The following ITGA9 variants were observed in gnomAD, a reference collection of about 807,000 sequenced individuals.
The protein encoded by ITGA9 is integrin alpha-9.
A neutral mutation model predicts 127.8 loss-of-function variants in ITGA9; 56 were observed. The ratio of observed to expected loss-of-function variants is 0.44; its 90% CI spans 0.35 to 0.55. The LOEUF (loss-of-function observed/expected upper bound fraction) is 0.55, where lower values mean the gene tolerates loss of function less well. ITGA9 is among the 20% of genes least tolerant of loss of function. The probability of loss-of-function intolerance (pLI) is 0.00; values close to 1 mark genes in which losing one functional copy is unlikely to be tolerated. For synonymous variants in ITGA9, 508 were observed against 514.5 expected, an observed-to-expected ratio of 0.99 and a Z score of 0.17; for missense variants, 1,196 against 1,347.1, an observed-to-expected ratio of 0.89 and a Z score of 1.76.
At chr3:37,473,285 C>A in intron 2 of ITGA9, 69 bp from the exon 3 acceptor site, 2 of 1,209,218 alleles carry the variant, frequency 1.7e-6, no homozygotes, top group South Asian at 1.2e-5. Flanking sequence ...GGCTGTGGAC[C>A]ACCCTTTGAA....
intron 15 of ITGA9, among the ~76,000 whole-genome samples, chr3:37,564,741 G>C (rs1699528937): frequency 6.6e-6 from 1 of 152,170 alleles, no homozygotes; most frequent in African/African-American, 2.4e-5. Context: ...ATGATGCTGG[G>C]CTGAGCCCTG....
Position 37,559,962 on chromosome 3 carries a change from A to T in ITGA9, c.1689+17377A>T, listed in dbSNP as rs202189829. On this transcript the variant is annotated intron_variant, in intron 15 of 27. Coordinates refer to ENST00000264741, the MANE Select transcript of ITGA9 (RefSeq NM_002207.3). ...TGTAATTGTAAATTTCCTTTTTTTT[A>T]AAATTATGCTTTAACTTCTAGGGTA... 8.1e-4 allele frequency among the ~76,000 whole-genome samples: 123 copies of T among 152,098 alleles called. 1 individual carries two copies. In the East Asian group the frequency reaches 0.018, roughly 22 times the overall value.
chr3:37,642,991 A>T (rs1700346875), intron 16 of ITGA9, among the ~76,000 whole-genome samples: 1 of 152,196 alleles, frequency 6.6e-6, no homozygotes, highest in African/African-American at 2.4e-5. Context: ...TCATTATTAT[A>T]TTTAAACGTC....
At chr3:37,719,717 G>A (rs1006719698) in intron 18 of ITGA9, among the ~76,000 whole-genome samples, 2 of 152,216 alleles carry the variant, frequency 1.3e-5, no homozygotes, top group African/African-American at 2.4e-5. Flanking sequence ...AGGAGAGACC[G>A]GTGAGATGGA....
chr3:37,625,875 T>C (rs1191815595), intron 15 of ITGA9, among the ~76,000 whole-genome samples: 2 of 152,194 alleles, frequency 1.3e-5, no homozygotes, highest in Non-Finnish European at 2.9e-5. Context: ...CCTCCACCCA[T>C]GCCTCAGTGT....
intron 16 of ITGA9, among the ~76,000 whole-genome samples, chr3:37,644,124 GTGATTA>G (rs1435163520): frequency 6.6e-6 from 1 of 152,196 alleles, no homozygotes; most frequent in African/African-American, 2.4e-5. Flanking sequence ...ATGAAAAGTT[GTGATTA>G]TAGAGAGACA....
intron 18 of ITGA9, among the ~76,000 whole-genome samples, chr3:37,699,688 T>G (rs1700925315): frequency 6.6e-6 from 1 of 152,212 alleles, no homozygotes; most frequent in Non-Finnish European, 1.5e-5. Context: ...TTATAATACC[T>G]CTAAGGCCCT....
chr3:37,736,916 G>A lies in ITGA9; in HGVS notation c.2167G>A (p.Val723Met), dbSNP rs142025172. 1,486 of 1,612,386 alleles carry A rather than the reference G, an allele frequency of 9.2e-4. 2 individuals are homozygous for A. Among genetic ancestry groups the A allele is most frequent in the Admixed American group, 1.6e-3 (97 of 60,026 alleles). ...CCTTTTTCACTAGTATGAATTCAGC[G>A]TGATCTTTGATACAAGCCACCTGTC... The part of the protein sequence containing the change: ...MRSKSKYEFS[V>M]IFDTSHLSGE... Residue 723 changes from valine (V) to methionine (M), a missense_variant, in exon 20 of 28, where the codon GTG becomes ATG. Physicochemically the swap from Val to Met is conservative, Grantham distance 21. Coordinates refer to ENST00000264741, the MANE Select transcript of ITGA9 (RefSeq NM_002207.3).
chr3:37,487,568 C>G (rs1323025910), intron 4 of ITGA9, among the ~76,000 whole-genome samples: 1 of 152,178 alleles, frequency 6.6e-6, no homozygotes. Context: ...TGAGCACCTA[C>G]CTGGTGCCAG....
intron 15 of ITGA9, among the ~76,000 whole-genome samples, chr3:37,581,701 C>T (rs191583605): frequency 2.0e-5 from 3 of 152,322 alleles, no homozygotes; most frequent in South Asian, 2.1e-4. Flanking sequence ...TTGTTAACAC[C>T]GTAGATGACT....
chr3:37,649,113 A>G (rs1700406130), intron 16 of ITGA9, among the ~76,000 whole-genome samples: 1 of 148,152 alleles, frequency 6.7e-6, no homozygotes, highest in African/African-American at 2.6e-5. Flanking sequence ...AAACCTATCG[A>G]TACAAAAAAA....
chr3:37,621,379 A>G (rs1477415219), intron 15 of ITGA9, among the ~76,000 whole-genome samples: 2 of 151,866 alleles, frequency 1.3e-5, no homozygotes, highest in African/African-American at 4.8e-5. Flanking sequence ...ATGTCCATGC[A>G]CTCTTTCGTT....
At chr3:37,620,376 C>T (rs554710493) in intron 15 of ITGA9, among the ~76,000 whole-genome samples, 108 of 152,276 alleles carry the variant, frequency 7.1e-4, no homozygotes, top group African/African-American at 2.5e-3. Context: ...CCTGCCCCTC[C>T]CCCGTGATCT....
rs1341297498 is a variant in ITGA9, at chr3:37,512,190, TTTTCTTTTCTTTTCTTTTC to T, written c.898-1565_898-1547del. 9.9e-3 allele frequency among the ~76,000 whole-genome samples: 518 copies of T among 52,254 alleles called. 30 individuals carry two copies. The highest frequency in any genetic ancestry group is 0.019 in the African/African-American group (285 of 14,696). 34.3% of individuals were successfully genotyped at this position (52,254 alleles called of 152,430 possible). ...TTTTCTTTTCTTTTCTTTTCTTTTC[TTTTCTTTTCTTTTCTTTTC>T]TTTCTTTCTTTCTTCTTTCTTTTCT... On this transcript the variant is annotated intron_variant, in intron 8 of 27. Coordinates refer to ENST00000264741, the MANE Select transcript of ITGA9 (RefSeq NM_002207.3).
At chr3:37,812,983 A>G (rs557302884) in intron 27 of ITGA9, among the ~76,000 whole-genome samples, 1 of 152,362 alleles carries the variant, frequency 6.6e-6, no homozygotes, top group South Asian at 2.1e-4. Context: ...AGCTCTCCCC[A>G]AGGCACCCAT....
chr3:37,676,791 C>A (rs1700686476), intron 17 of ITGA9, among the ~76,000 whole-genome samples: 1 of 152,236 alleles, frequency 6.6e-6, no homozygotes, highest in Admixed American at 6.5e-5. Context: ...GTGCCCTACA[C>A]ATATCTACTT....
At chr3:37,487,614 T>C (rs1160256842) in intron 4 of ITGA9, among the ~76,000 whole-genome samples, 1 of 152,234 alleles carries the variant, frequency 6.6e-6, no homozygotes, top group Non-Finnish European at 1.5e-5. Flanking sequence ...TTGATCTTAC[T>C]GAGTAATCAC....
intron 15 of ITGA9, among the ~76,000 whole-genome samples, chr3:37,557,750 A>G (rs1329043373): frequency 3.3e-5 from 5 of 152,376 alleles, no homozygotes; most frequent in Middle Eastern, 6.8e-3. Flanking sequence ...GAATACAATT[A>G]CATATGTTAA....
chr3:37,480,128 A>G (rs1698537432), intron 3 of ITGA9, among the ~76,000 whole-genome samples: 2 of 151,974 alleles, frequency 1.3e-5, no homozygotes, highest in African/African-American at 4.8e-5. Flanking sequence ...GCCTCTGAGT[A>G]AGCAGCTCGG....
Sources: allele counts gnomAD v4.1 joint callset (sites outside exome capture counted in the v4.1 genomes callset), GRCh38; gene constraint gnomAD v4.1.1; transcripts MANE v1.5; gene names NCBI Gene and HGNC (gene_info 2026-07-23, HGNC 2026-07-21).